HDAC4: variants seen among roughly 807,000 people sequenced by gnomAD.
The protein encoded by HDAC4 is histone deacetylase 4.
HDAC4 carries 16 observed loss-of-function variants against 135.1 expected under a neutral mutation model. The ratio of observed to expected loss-of-function variants is 0.12; its 90% CI spans 0.08 to 0.18. The LOEUF is 0.18. Ranked by LOEUF, HDAC4 falls within the 10% of genes least tolerant of loss-of-function variation. The probability of loss-of-function intolerance (pLI) is 1.00; values close to 1 mark genes in which losing one functional copy is unlikely to be tolerated. For synonymous variants in HDAC4, 685 were observed against 653.4 expected, an observed-to-expected ratio of 1.05 and a Z score of -0.74; for missense variants, 1,143 against 1,511.8, an observed-to-expected ratio of 0.76 and a Z score of 4.05.
chr2:239,054,938 T>G, intron 24 of HDAC4, 105 bp from the exon 25 acceptor site: 1 of 826,070 alleles, frequency 1.2e-6, no homozygotes. Context: ...GAGACCCTTG[T>G]GGGGTGCATT....
chr2:239,165,482 C>CTGTG (rs111788661), intron 5 of HDAC4, among the ~76,000 whole-genome samples: 3,750 of 151,420 alleles, frequency 0.025, 168 homozygotes, highest in African/African-American at 0.085. Flanking sequence ...TGTTGTGGGT[C>CTGTG]TGTGTGTGTG....
chr2:239,150,738 G>A (rs1292496579), intron 7 of HDAC4, among the ~76,000 whole-genome samples: 1 of 141,206 alleles, frequency 7.1e-6, no homozygotes. Flanking sequence ...TGCACCTCCT[G>A]AAGTATGTAC....
chr2:239,380,677 G>A (rs1314509643), intron 1 of HDAC4, among the ~76,000 whole-genome samples: 1 of 152,140 alleles, frequency 6.6e-6, no homozygotes, highest in Non-Finnish European at 1.5e-5. Flanking sequence ...GGTTACAATG[G>A]TTAATTTTGT....
intron 3 of HDAC4, among the ~76,000 whole-genome samples, chr2:239,217,473 A>T (rs952529179): frequency 6.6e-6 from 1 of 152,224 alleles, no homozygotes; most frequent in Admixed American, 6.5e-5. Flanking sequence ...GTCTAAATAT[A>T]TTATTTATAT....
intron 2 of HDAC4, among the ~76,000 whole-genome samples, chr2:239,290,276 C>G (rs1365317116): frequency 2.0e-5 from 3 of 152,158 alleles, no homozygotes; most frequent in African/African-American, 7.2e-5. Flanking sequence ...AATTCCTTAA[C>G]TATAAAGAAA....
At chr2:239,196,916 G>C (rs2153062305) in intron 3 of HDAC4, among the ~76,000 whole-genome samples, 1 of 152,318 alleles carries the variant, frequency 6.6e-6, no homozygotes, top group Non-Finnish European at 1.5e-5. Context: ...AGGCAGTCTG[G>C]TGAGGCCGGC....
chr2:239,363,253 C>T (rs966587906), intron 1 of HDAC4, among the ~76,000 whole-genome samples: 1 of 152,190 alleles, frequency 6.6e-6, no homozygotes, highest in Non-Finnish European at 1.5e-5. Context: ...TCAATGCAAT[C>T]GCAATCAAAA....
intron 15 of HDAC4, among the ~76,000 whole-genome samples, chr2:239,104,304 C>T (rs896324407): frequency 1.3e-5 from 2 of 152,202 alleles, no homozygotes; most frequent in African/African-American, 2.4e-5. Context: ...TCTTGGCTCA[C>T]TGTAACCTCC....
chr2:239,095,269 T>C (rs1041511761), intron 16 of HDAC4, among the ~76,000 whole-genome samples: 2 of 145,536 alleles, frequency 1.4e-5, no homozygotes, highest in Non-Finnish European at 3.1e-5. Context: ...CTGAGCTGGG[T>C]CACAGACCCT....
At chr2:239,080,654 C>T (rs545726516) in intron 22 of HDAC4, among the ~76,000 whole-genome samples, 2 of 152,262 alleles carry the variant, frequency 1.3e-5, no homozygotes, top group East Asian at 1.9e-4. Context: ...GGAGGGAGGG[C>T]GACAACTGCC....
chr2:239,346,058 C>A (rs368791966), intron 2 of HDAC4, among the ~76,000 whole-genome samples: 1 of 146,152 alleles, frequency 6.8e-6, no homozygotes, highest in Non-Finnish European at 1.5e-5. Context: ...ACACACACAC[C>A]CCCATCTCAC....
At chr2:239,280,411 C>T (rs2050636546) in intron 2 of HDAC4, among the ~76,000 whole-genome samples, 1 of 152,218 alleles carries the variant, frequency 6.6e-6, no homozygotes, top group South Asian at 2.1e-4. Context: ...GCCAGCTCCA[C>T]TGTATGAAAC....
At chr2:239,271,855 T>C (rs1446575721) in intron 2 of HDAC4, among the ~76,000 whole-genome samples, 1 of 152,192 alleles carries the variant, frequency 6.6e-6, no homozygotes, top group African/African-American at 2.4e-5. Flanking sequence ...AGCTTCGAAA[T>C]TTCCTGGAAC....
At chr2:239,343,924 T>A (rs1053279518) in intron 2 of HDAC4, among the ~76,000 whole-genome samples, 3 of 152,324 alleles carry the variant, frequency 2.0e-5, no homozygotes, top group Non-Finnish European at 2.9e-5. Flanking sequence ...CCAGCTCACG[T>A]CACAGGCTAT....
chr2:239,305,863 G>A (rs766859467), intron 2 of HDAC4, among the ~76,000 whole-genome samples: 2 of 152,146 alleles, frequency 1.3e-5, no homozygotes, highest in Non-Finnish European at 2.9e-5. Context: ...CCCTAAACAC[G>A]ACTGGGAACG....
rs139767743 is a variant in HDAC4 at position 239,112,711 on chromosome 2, A to G, written c.1792-999T>C. ...TCTCCCCAGACAGCAGCTGAGGGAG[A>G]GCACAGCAACCTGCCACCCAGGCCG... On this transcript the variant is annotated intron_variant, in intron 13 of 26. Transcript: ENST00000543185. 1.7e-3 allele frequency among the ~76,000 whole-genome samples: 253 copies of G among 152,338 alleles called. 1 individual carries two copies. The highest frequency in any genetic ancestry group is 6.0e-3 in the African/African-American group (248 of 41,574).
At position 239,352,908 on chromosome 2, in the gene HDAC4, T is replaced by G; in HGVS notation, c.-209A>C. 1 of 603,710 alleles carries G rather than the reference T, an allele frequency of 1.7e-6. No homozygotes were observed. Among genetic ancestry groups the G allele is most frequent in the Non-Finnish European group, 3.0e-6 (1 of 336,212 alleles). 37.4% of individuals were successfully genotyped at this position (603,710 alleles called of 1,614,324 possible). On this transcript the variant is annotated 5_prime_UTR_variant, in exon 2 of 27. Transcript: ENST00000543185. This position sits in a 1 kb window ranked among gnomAD's most constrained non-coding sequence, Gnocchi z 4.4. Reference sequence around the variant, plus strand: ...TTGAACAGAGGCGTCCGCTGGCTTCTGCAGATGAACCTGCAAGGTCAGAAG... The same window carrying G: ...TTGAACAGAGGCGTCCGCTGGCTTCGGCAGATGAACCTGCAAGGTCAGAAG...
chr2:239,264,573 T>C (rs1000655917), intron 2 of HDAC4, among the ~76,000 whole-genome samples: 6 of 152,170 alleles, frequency 3.9e-5, no homozygotes, highest in Non-Finnish European at 1.5e-5. Context: ...GCCCTCCTGA[T>C]CCTAAGTGGC....
intron 2 of HDAC4, among the ~76,000 whole-genome samples, chr2:239,278,645 C>G (rs2050531639): frequency 6.6e-6 from 1 of 152,244 alleles, no homozygotes; most frequent in Non-Finnish European, 1.5e-5. Flanking sequence ...GTACTCCAGC[C>G]TGGGTGACAG....
Sources: allele counts gnomAD v4.1 joint callset (sites outside exome capture counted in the v4.1 genomes callset), GRCh38; gene constraint gnomAD v4.1.1; non-coding constraint Gnocchi (gnomAD v3.1); transcripts MANE v1.5; gene names NCBI Gene and HGNC (gene_info 2026-07-23, HGNC 2026-07-21).